HK2: variants seen among roughly 807,000 people sequenced by gnomAD.
HK2 encodes hexokinase 2.
HK2 carries 42 observed loss-of-function variants against 92.9 expected under a neutral mutation model. That is an observed-to-expected ratio of 0.45 (90% CI 0.35 to 0.58). HK2 has a LOEUF of 0.58. HK2 is among the 20% of genes least tolerant of loss of function. The pLI is 0.00. For missense variants in HK2, 978 were observed against 1,245.1 expected, an observed-to-expected ratio of 0.79 and a Z score of 3.23; for synonymous variants, 422 against 468.0, an observed-to-expected ratio of 0.90 and a Z score of 1.27.
chr2:74,850,823 A>G (rs1369012378), intron 1 of HK2, among the ~76,000 whole-genome samples: 2 of 152,160 alleles, frequency 1.3e-5, no homozygotes, highest in Non-Finnish European at 2.9e-5. Flanking sequence ...TGGTGTGTTT[A>G]GGAAACTGTG....
chr2:74,875,753 T>C (rs1457327105), intron 7 of HK2, among the ~76,000 whole-genome samples: 1 of 152,264 alleles, frequency 6.6e-6, no homozygotes, highest in Non-Finnish European at 1.5e-5. Flanking sequence ...CCATGGCTGA[T>C]GAGAGGTTTA....
intron 1 of HK2, among the ~76,000 whole-genome samples, chr2:74,835,833 A>G (rs1688152409): frequency 6.6e-6 from 1 of 152,200 alleles, no homozygotes; most frequent in South Asian, 2.1e-4. Context: ...TCTGATGGGA[A>G]CACATTTTTG....
At chr2:74,857,325 G>C (rs1688718063) in intron 2 of HK2, among the ~76,000 whole-genome samples, 1 of 152,224 alleles carries the variant, frequency 6.6e-6, no homozygotes, top group South Asian at 2.1e-4. Flanking sequence ...CTGAGATCCT[G>C]TAATGGGAGA....
chr2:74,835,101 CGT>C, intron 1 of HK2: 1 of 251,630 alleles, frequency 4.0e-6, no homozygotes, highest in Non-Finnish European at 7.9e-6. Context: ...TCGCGGACCG[CGT>C]GTAGGAGACG....
chr2:74,878,890 G>T lies in HK2; in HGVS notation c.1234G>T (p.Val412Phe). The T allele has an allele frequency of 1.9e-6, 3 of 1,551,604 alleles. No homozygotes were observed. Among genetic ancestry groups the T allele is most frequent in the Non-Finnish European group, 2.6e-6 (3 of 1,147,090 alleles). Reference sequence around the variant, plus strand: ...GGAGCGGCTGCGCTCTACTATTGGGGTCGACGGTTCCGTCTACAAGAAACA... The same window carrying T: ...GGAGCGGCTGCGCTCTACTATTGGGTTCGACGGTTCCGTCTACAAGAAACA... ...GEERLRSTIG[V>F]DGSVYKKHPH... The change falls in exon 9 of 18, where the codon GTC becomes TTC. Residue 412 changes from valine to phenylalanine, a missense_variant. Val to Phe is a conservative substitution (Grantham distance 50, BLOSUM62 -1). This residue lies in a region of HK2 where 742 missense variants were observed against 922.5 expected (regional missense o/e 0.80). Coordinates refer to ENST00000290573, the MANE Select transcript of HK2 (RefSeq NM_000189.5).
rs184758053 is a variant in HK2 at position 74,852,521 on chromosome 2, C to A, written c.64-1772C>A. The stretch of plus-strand genomic sequence containing the variant: ...GGAGGCCCAGGCCTCCTCAGGAGCA[C>A]CTTGGTTCCCAGATATTGTAGGAAC... On this transcript the variant is annotated intron_variant, in intron 1 of 17. Transcript: ENST00000290573. 6.8e-4 allele frequency among the ~76,000 whole-genome samples: 103 copies of A among 152,220 alleles called. 1 individual carries two copies. In the East Asian group the frequency reaches 0.018, roughly 27 times the overall value.
intron 9 of HK2, among the ~76,000 whole-genome samples, chr2:74,880,034 A>T (rs965819999): frequency 1.3e-5 from 2 of 152,176 alleles, no homozygotes; most frequent in African/African-American, 4.8e-5. Context: ...GCTTATTAAA[A>T]GGTCTTTTCC....
chr2:74,856,247 A>G (rs530316946), intron 2 of HK2, among the ~76,000 whole-genome samples: 1 of 152,052 alleles, frequency 6.6e-6, no homozygotes, highest in Non-Finnish European at 1.5e-5. Context: ...TCATCTCCCT[A>G]AGTGCCTCTA....
intron 1 of HK2, among the ~76,000 whole-genome samples, chr2:74,847,183 G>A (rs1045821259): frequency 1.3e-5 from 2 of 152,214 alleles, no homozygotes; most frequent in Non-Finnish European, 2.9e-5. Context: ...TGCTTGTGGA[G>A]TAACTTTCTT....
chr2:74,887,427 G>A (rs1216152266), intron 15 of HK2, among the ~76,000 whole-genome samples: 4 of 145,354 alleles, frequency 2.8e-5, no homozygotes, highest in Admixed American at 2.0e-4. Context: ...TAGTTCCAGT[G>A]GCCAGGATGG....
chr2:74,855,718 A>G (rs1688680318), intron 2 of HK2, among the ~76,000 whole-genome samples: 1 of 152,172 alleles, frequency 6.6e-6, no homozygotes, highest in Non-Finnish European at 1.5e-5. Context: ...CAAGGTTTTG[A>G]GGGGTGTCTT....
In HK2 at chr2:74,889,395, G is replaced by C; in HGVS notation, c.2526G>C (p.Val842=). ...QLCGAGMAAV[V]DRIRENRGLD... ...GTGGCGCAGGCATGGCCGCTGTGGT[G>C]GACAGGATACGAGAAAACCGTGGGC... The change falls in exon 17 of 18, where the codon GTG becomes GTC. Residue 842 remains valine, a synonymous_variant. Transcript: ENST00000290573. The C allele has an allele frequency of 6.2e-7, 1 of 1,614,160 alleles. No homozygotes were observed.
intron 12 of HK2, 149 bp from the exon 13 acceptor site, chr2:74,885,345 G>T: frequency 2.8e-6 from 2 of 702,242 alleles, no homozygotes; most frequent in Non-Finnish European, 5.2e-6. Flanking sequence ...AGTACCTTAG[G>T]AACAGTTTAA....
rs1274386435 is a variant in HK2 at position 74,882,237 on chromosome 2, G to C, written c.1837G>C (p.Glu613Gln). ...CCCCTGCCAGCAGAACAGCCTGGAC[G>C]AGGTAACAGCACCTTCCTGGAGGGC... is the stretch of plus-strand genomic sequence containing the variant. ...SFPCQQNSLDESILLKWTKGF... is the reference protein window; with the variant it reads ...SFPCQQNSLDQSILLKWTKGF... The change falls in exon 12 of 18, where the codon GAG becomes CAG. Residue 613 changes from glutamate (E) to glutamine (Q), a missense_variant and splice_region_variant. By Grantham distance (29) the Glu-to-Gln change is conservative. Around this residue, in one of 3 missense-constraint regions of HK2, gnomAD observed 742 missense variants for 922.5 expected, o/e 0.80. Transcript: ENST00000290573. 2 of 1,614,012 alleles carry C rather than the reference G, an allele frequency of 1.2e-6. No individual in the cohort carries two copies. The highest frequency in any genetic ancestry group is 2.2e-5 in the South Asian group (2 of 91,082).
intron 1 of HK2, among the ~76,000 whole-genome samples, chr2:74,835,601 A>G (rs1688143942): frequency 7.1e-6 from 1 of 141,602 alleles, no homozygotes; most frequent in Admixed American, 6.9e-5. Flanking sequence ...GCCTCGGGGT[A>G]TGGGGGTGGG....
At chr2:74,868,106 C>T (rs1689004162) in intron 3 of HK2, among the ~76,000 whole-genome samples, 1 of 152,176 alleles carries the variant, frequency 6.6e-6, no homozygotes, top group South Asian at 2.1e-4. Flanking sequence ...CGGCTGTTCC[C>T]TCTCCCACAC....
intron 1 of HK2, among the ~76,000 whole-genome samples, chr2:74,837,841 A>AT (rs1688204650): frequency 6.6e-6 from 1 of 151,534 alleles, no homozygotes; most frequent in South Asian, 2.1e-4. Flanking sequence ...ATGCCCAGCT[A>AT]TTTTTTGTAT....
intron 1 of HK2, among the ~76,000 whole-genome samples, chr2:74,850,764 C>G (rs1186147712): frequency 3.9e-5 from 6 of 152,182 alleles, no homozygotes; most frequent in Non-Finnish European, 4.4e-5. Flanking sequence ...ACTTCTGCTT[C>G]CCTTGGCTAC....
intron 1 of HK2, among the ~76,000 whole-genome samples, chr2:74,845,610 T>A (rs1031504383): frequency 3.3e-5 from 5 of 152,256 alleles, no homozygotes; most frequent in Admixed American, 2.0e-4. Flanking sequence ...TATGCCTCCC[T>A]GGTCAGCTCT....
Sources: gnomAD v4.1 joint callset for allele counts (sites outside exome capture counted in the v4.1 genomes callset) on GRCh38, gnomAD v4.1.1 for gene constraint, gnomAD v4.1.1 regional missense constraint, MANE v1.5 for transcripts, NCBI Gene and HGNC (gene_info 2026-07-23, HGNC 2026-07-21) for gene names.